ARMC8: variants seen among roughly 807,000 people sequenced by gnomAD.
ARMC8 encodes armadillo repeat containing 8.
ARMC8 carries 20 observed loss-of-function variants against 99.3 expected under a neutral mutation model. That is an observed-to-expected ratio of 0.20 (90% CI 0.14 to 0.29). The LOEUF (loss-of-function observed/expected upper bound fraction) is 0.29. Among genes scored for constraint, ARMC8 ranks in the 10% least tolerant of loss-of-function variants. The pLI is 1.00. For missense variants in ARMC8, 569 were observed against 809.5 expected (o/e 0.70, Z 3.60); for synonymous variants, 263 against 278.3 (o/e 0.95, Z 0.55).
chr3:138,197,574 G>C (rs1453808323), intron 1 of ARMC8, among the ~76,000 whole-genome samples: 1 of 152,140 alleles, frequency 6.6e-6, no homozygotes, highest in Non-Finnish European at 1.5e-5. Context: ...CATCCTAGTG[G>C]ACTTCTTGGG....
chr3:138,239,954 T>C (rs776179873), intron 10 of ARMC8, among the ~76,000 whole-genome samples: 38 of 152,228 alleles, frequency 2.5e-4, no homozygotes, highest in Non-Finnish European at 4.3e-4. Flanking sequence ...TGAAAGAGAA[T>C]AAGTAGATAA....
At chr3:138,218,294 C>T (rs958036088) in intron 2 of ARMC8, among the ~76,000 whole-genome samples, 9 of 152,162 alleles carry the variant, frequency 5.9e-5, no homozygotes, top group African/African-American at 2.2e-4. Context: ...TCACATTCAG[C>T]TTATTTTCCT....
chr3:138,201,272 G>C (rs1460920941), intron 1 of ARMC8, among the ~76,000 whole-genome samples: 1 of 149,632 alleles, frequency 6.7e-6, no homozygotes, highest in Non-Finnish European at 1.5e-5. Flanking sequence ...ATATTTTCTT[G>C]ACCAACTCAG....
At chr3:138,229,178 A>ATATATATATG (rs1576686064) in intron 6 of ARMC8, 168 bp downstream of exon 6, 27 of 32,054 alleles carry the variant, frequency 8.4e-4, no homozygotes, top group South Asian at 2.6e-3. Context: ...ATATATATAT[A>ATATATATATG]TATATGTATA....
intron 2 of ARMC8, among the ~76,000 whole-genome samples, chr3:138,218,881 G>C (rs959409692): frequency 1.3e-5 from 2 of 152,038 alleles, no homozygotes; most frequent in Admixed American, 6.6e-5. Flanking sequence ...CTGGGAAAAG[G>C]GTATCTGACT....
intron 1 of ARMC8, among the ~76,000 whole-genome samples, chr3:138,192,185 AG>A (rs1327146000): frequency 6.6e-6 from 1 of 151,744 alleles, no homozygotes; most frequent in African/African-American, 2.4e-5. Context: ...TAGCTGTTTT[AG>A]TAGATGTGTA....
At chr3:138,241,660 A>G in intron 10 of ARMC8, 123 bp from the exon 11 acceptor site, 8 of 838,226 alleles carry the variant, frequency 9.5e-6, no homozygotes, top group Non-Finnish European at 1.5e-5. Flanking sequence ...TCTAGAAGTC[A>G]GTAAAGGAAA....
At chr3:138,244,275 TTTA>T (rs1333966045) in intron 11 of ARMC8, among the ~76,000 whole-genome samples, 1 of 151,828 alleles carries the variant, frequency 6.6e-6, no homozygotes, top group Non-Finnish European at 1.5e-5. Context: ...TTTATTTATT[TTTA>T]TTTATTTATT....
intron 19 of ARMC8, chr3:138,287,973 C>A (rs2050585222): frequency 5.4e-6 from 1 of 184,692 alleles, no homozygotes; most frequent in Non-Finnish European, 1.1e-5. Flanking sequence ...GTTGTACTTT[C>A]AGTACATAAA....
At chr3:138,285,089 T>C (rs1236892625) in intron 19 of ARMC8, among the ~76,000 whole-genome samples, 1 of 152,216 alleles carries the variant, frequency 6.6e-6, no homozygotes, top group Non-Finnish European at 1.5e-5. Context: ...CTGTCTTCTC[T>C]ATCCCTGCCA....
chr3:138,239,586 AGTATTG>A, intron 10 of ARMC8, 58 bp downstream of exon 10: 2 of 1,115,900 alleles, frequency 1.8e-6, no homozygotes, highest in Non-Finnish European at 2.7e-6. Flanking sequence ...GTTAAATATC[AGTATTG>A]ATACTCATAT....
chr3:138,262,740 A>G (rs377557269), intron 12 of ARMC8, among the ~76,000 whole-genome samples: 12 of 152,252 alleles, frequency 7.9e-5, no homozygotes, highest in African/African-American at 2.6e-4. Flanking sequence ...GTTAAGATCT[A>G]TTGGTCTAGG....
At chr3:138,199,794 A>G (rs548199125) in intron 1 of ARMC8, among the ~76,000 whole-genome samples, 8 of 152,358 alleles carry the variant, frequency 5.3e-5, no homozygotes, top group African/African-American at 1.7e-4. Context: ...GTACAAATAC[A>G]TTGTCACTGG....
At chr3:138,199,371 T>C (rs1016129676) in intron 1 of ARMC8, among the ~76,000 whole-genome samples, 2 of 152,180 alleles carry the variant, frequency 1.3e-5, no homozygotes, top group Admixed American at 1.3e-4. Flanking sequence ...TTCTTCTGAT[T>C]TTTTTCTCCT....
At position 138,290,882 on chromosome 3, in the gene ARMC8, G is replaced by C. The variant is rs569580705; in HGVS notation, c.1988+243G>C. Among the ~76,000 whole-genome samples, 396 of 152,302 alleles carry C rather than the reference G, an allele frequency of 2.6e-3. 8 individuals carry two copies. The highest frequency in any genetic ancestry group is 3.4e-4 in the Non-Finnish European group (23 of 68,036). On this transcript the variant is annotated intron_variant, in intron 21 of 21. Coordinates refer to ENST00000469044, the MANE Select transcript of ARMC8 (RefSeq NM_001363941.2). Reference sequence around the variant, plus strand: ...TGAGTCTGGGCCATCTTAGTGGATTGGATCCAGAGGCCATTTGCGTACATT... The same window carrying C: ...TGAGTCTGGGCCATCTTAGTGGATTCGATCCAGAGGCCATTTGCGTACATT...
At chr3:138,250,571 G>A (rs1356073261) in intron 12 of ARMC8, among the ~76,000 whole-genome samples, 5 of 151,994 alleles carry the variant, frequency 3.3e-5, no homozygotes, top group African/African-American at 9.7e-5. Flanking sequence ...GTCATAGCAT[G>A]CCCTCCAAAG....
chr3:138,280,031 G>A (rs1386800868), intron 18 of ARMC8, among the ~76,000 whole-genome samples: 2 of 151,694 alleles, frequency 1.3e-5, no homozygotes, highest in African/African-American at 2.4e-5. Flanking sequence ...CACCTCCCAA[G>A]TAGCTGGGAT....
chr3:138,267,070 TG>T (rs1348711942), intron 14 of ARMC8, 84 bp from the exon 15 acceptor site: 62 of 739,288 alleles, frequency 8.4e-5, no homozygotes, highest in Non-Finnish European at 1.0e-4. Context: ...TAATTGTTCT[TG>T]TTTTTATTTA....
At chr3:138,246,817 C>T in intron 12 of ARMC8, 1 of 974,250 alleles carries the variant, frequency 1.0e-6, no homozygotes. Context: ...GTATAATTTC[C>T]TGGTAAGGCT....
Sources: gnomAD v4.1 joint callset for allele counts (sites outside exome capture counted in the v4.1 genomes callset) on GRCh38, gnomAD v4.1.1 for gene constraint, MANE v1.5 for transcripts, NCBI Gene and HGNC (gene_info 2026-07-23, HGNC 2026-07-21) for gene names.